Variants in MKLN1 observed in about 807,000 individuals in gnomAD.
The protein encoded by MKLN1 is muskelin.
In MKLN1, 18 loss-of-function variants were observed where a neutral mutation model predicts 99.0. That is an observed-to-expected ratio of 0.18 (90% confidence interval 0.13 to 0.27). MKLN1 has a LOEUF of 0.27. MKLN1 is among the 10% of genes least tolerant of loss of function. The probability of loss-of-function intolerance (pLI) is 1.00; values close to 1 mark genes in which losing one functional copy is unlikely to be tolerated. For missense variants in MKLN1, 621 were observed against 875.9 expected (o/e 0.71, Z 3.67); for synonymous variants, 288 against 293.2 (o/e 0.98, Z 0.18).
Position 131,240,353 on chromosome 7 carries a change from G to A in MKLN1, c.-179+37379G>A, listed in dbSNP as rs1483376326. Among the ~76,000 whole-genome samples the A allele has an allele frequency of 5.3e-5, 8 of 152,210 alleles. No homozygotes were observed. In the South Asian group the frequency reaches 6.2e-4, roughly 12 times the overall value. On this transcript the variant is annotated intron_variant, in intron 3 of 7. Transcript: ENST00000416992. ...AGCTGCTCTAGGTCTACTAGTAATC[G>A]TGTCTAACAAATCAATAATTAAAAG... is the stretch of plus-strand genomic sequence containing the variant.
intron 3 of MKLN1, among the ~76,000 whole-genome samples, chr7:131,290,122 A>G (rs971400004): frequency 2.0e-5 from 3 of 152,196 alleles, no homozygotes; most frequent in Non-Finnish European, 4.4e-5. Context: ...CCTGACCAAC[A>G]TGGTGAAACC....
chr7:131,461,338 C>T (rs1796509860), intron 12 of MKLN1, among the ~76,000 whole-genome samples: 1 of 151,132 alleles, frequency 6.6e-6, no homozygotes, highest in Admixed American at 6.6e-5. Context: ...TCGACTGTAC[C>T]AGACTTTACA....
rs1344461780 is a variant in MKLN1 at position 131,192,212 on chromosome 7, A to T, written c.-296-10645A>T. Among the ~76,000 whole-genome samples, 43 of 66,938 alleles carry T rather than the reference A, an allele frequency of 6.4e-4. 6 individuals carry two copies. Among genetic ancestry groups the T allele is most frequent in the African/African-American group, 2.9e-3 (41 of 14,004 alleles). The allele number at this position is 66,938 out of a possible 152,430, so 43.9% of individuals were successfully genotyped here. On this transcript the variant is annotated intron_variant, in intron 2 of 7. Coordinates refer to the MKLN1 transcript ENST00000416992. ...TAAAATATAATATATACAATATATA[A>T]ATATATAAAATATATACAATATATA...
At chr7:131,275,408 T>A (rs368597903) in intron 3 of MKLN1, among the ~76,000 whole-genome samples, 1 of 130,696 alleles carries the variant, frequency 7.7e-6, no homozygotes, top group African/African-American at 2.8e-5. Context: ...TTACTCTGTC[T>A]CCCAGGCTGG....
chr7:131,186,739 GA>G (rs1426220343), intron 2 of MKLN1, among the ~76,000 whole-genome samples: 3 of 152,222 alleles, frequency 2.0e-5, no homozygotes, highest in African/African-American at 7.2e-5. Context: ...TCAATGAAAT[GA>G]CAGGATGTAA....
At chr7:131,134,135 A>G (rs1396784032) in intron 1 of MKLN1, among the ~76,000 whole-genome samples, 2 of 151,926 alleles carry the variant, frequency 1.3e-5, no homozygotes, top group African/African-American at 4.8e-5. Flanking sequence ...CGGCCAGCTG[A>G]CTTCTAATTC....
intron 12 of MKLN1, among the ~76,000 whole-genome samples, chr7:131,452,661 C>T (rs898086732): frequency 4.6e-5 from 7 of 150,590 alleles, no homozygotes; most frequent in African/African-American, 1.7e-4. Context: ...AGCGATTCTC[C>T]TGCCTCAGCC....
intron 3 of MKLN1, chr7:131,242,908 T>C: frequency 1.5e-6 from 1 of 666,974 alleles, no homozygotes; most frequent in Admixed American, 1.8e-5. Flanking sequence ...GACCCTACTC[T>C]TAAACACAAG....
rs542988673 is a variant in MKLN1, at chr7:131,471,113, T to C, written c.2031+169T>C. The C allele has an allele frequency of 6.7e-4, 352 of 527,042 alleles. 1 individual carries two copies. The highest frequency in any genetic ancestry group is 9.8e-4 in the Non-Finnish European group (293 of 299,704). 32.6% of individuals were successfully genotyped at this position (527,042 alleles called of 1,614,324 possible). A position where few individuals can be genotyped will look rare whatever the true frequency, so the allele number is the denominator to read the frequency against. On this transcript the variant is annotated intron_variant, in intron 16 of 17. Coordinates refer to ENST00000352689, the MANE Select transcript of MKLN1 (RefSeq NM_013255.5). ...AGGTGAAATAAAAATTGAATAGGCATGTTTTCGTGTGATAAGATTCAAGTC... is the reference window on the plus strand; with the variant it reads ...AGGTGAAATAAAAATTGAATAGGCACGTTTTCGTGTGATAAGATTCAAGTC...
intron 2 of MKLN1, among the ~76,000 whole-genome samples, chr7:131,151,033 A>G (rs1795881453): frequency 6.6e-6 from 1 of 152,244 alleles, no homozygotes; most frequent in African/African-American, 2.4e-5. Flanking sequence ...GAATGATAAA[A>G]CATGCAGTAT....
intron 2 of MKLN1, among the ~76,000 whole-genome samples, chr7:131,154,441 T>C (rs1795935550): frequency 6.6e-6 from 1 of 152,144 alleles, no homozygotes; most frequent in Admixed American, 6.5e-5. Flanking sequence ...ATTCTCAGCA[T>C]GAGAGGAAGG....
At chr7:131,352,516 C>T (rs1210953981) in intron 1 of MKLN1, among the ~76,000 whole-genome samples, 3 of 151,820 alleles carry the variant, frequency 2.0e-5, no homozygotes, top group South Asian at 2.1e-4. Context: ...TTTCATTTTA[C>T]ACTTTTTTTT....
In MKLN1 at chr7:131,176,981, G is replaced by C. The variant is rs533575201; in HGVS notation, c.-296-25876G>C. On this transcript the variant is annotated intron_variant, in intron 2 of 7. Transcript: ENST00000416992. ...CTAGGCTGGGAGGGATGGTAATAAT[G>C]ATAAAAGATTAAAATTCTGGCTATG... is the stretch of plus-strand genomic sequence containing the variant. 2.6e-5 allele frequency among the ~76,000 whole-genome samples: 4 copies of C among 152,250 alleles called. No homozygotes were observed. The South Asian group carries it at 8.3e-4, about 32-fold the overall frequency.
chr7:131,441,309 G>A (rs1471272663), intron 10 of MKLN1, among the ~76,000 whole-genome samples: 1 of 152,132 alleles, frequency 6.6e-6, no homozygotes, highest in Non-Finnish European at 1.5e-5. Flanking sequence ...TTCAAATTTT[G>A]TGAGGAGAAG....
chr7:131,422,391 A>G (rs964915511), intron 8 of MKLN1, among the ~76,000 whole-genome samples: 5 of 151,872 alleles, frequency 3.3e-5, no homozygotes, highest in African/African-American at 9.7e-5. Flanking sequence ...TCTGCAAAAT[A>G]TTTTTTTTAG....
chr7:131,274,854 T>C (rs199790492), intron 3 of MKLN1, among the ~76,000 whole-genome samples: 1 of 152,148 alleles, frequency 6.6e-6, no homozygotes, highest in Admixed American at 6.6e-5. Context: ...ACTAATCCCC[T>C]GTAGGGATTA....
At chr7:131,295,263 T>C (rs1022609052) in intron 3 of MKLN1, among the ~76,000 whole-genome samples, 16 of 152,150 alleles carry the variant, frequency 1.1e-4, no homozygotes, top group Non-Finnish European at 2.9e-5. Flanking sequence ...CACCTTGGTC[T>C]CTCAAAGTGC....
At chr7:131,342,435 C>G (rs1799436200) in intron 1 of MKLN1, among the ~76,000 whole-genome samples, 1 of 152,154 alleles carries the variant, frequency 6.6e-6, no homozygotes, top group African/African-American at 2.4e-5. Flanking sequence ...CTTTGCTAAG[C>G]AGTTTGTGCT....
At chr7:131,192,596 C>T (rs1229927213) in intron 2 of MKLN1, among the ~76,000 whole-genome samples, 1 of 149,894 alleles carries the variant, frequency 6.7e-6, no homozygotes, top group South Asian at 2.1e-4. Flanking sequence ...GGCTGGAGTG[C>T]AATGGCACGA....
Sources: allele counts gnomAD v4.1 joint callset (sites outside exome capture counted in the v4.1 genomes callset), GRCh38; gene constraint gnomAD v4.1.1; transcripts MANE v1.5; gene names NCBI Gene and HGNC (gene_info 2026-07-23, HGNC 2026-07-21).